The following RBFOX1 variants were observed in gnomAD, a reference collection of about 807,000 sequenced individuals.
RBFOX1 encodes RNA binding protein fox-1 homolog 1.
Under a neutral mutation model 57.7 loss-of-function variants are expected in RBFOX1, and 8 were observed. That is an observed-to-expected ratio of 0.14 (90% CI 0.08 to 0.25). RBFOX1 has a LOEUF of 0.25. RBFOX1 is among the 10% of genes least tolerant of loss of function. The pLI is 1.00. For missense variants in RBFOX1, 611 were observed against 548.5 expected, an observed-to-expected ratio of 1.11 and a Z score of -1.14; for synonymous variants, 326 against 222.4, an observed-to-expected ratio of 1.47 and a Z score of -4.15.
chr16:7,394,447 C>G (rs1303169627), intron 4 of RBFOX1, among the ~76,000 whole-genome samples: 1 of 152,110 alleles, frequency 6.6e-6, no homozygotes, highest in African/African-American at 2.4e-5. Flanking sequence ...ATATGGGGAA[C>G]AGGATTTTAT....
At chr16:7,254,374 A>G (rs1189768302) in intron 4 of RBFOX1, among the ~76,000 whole-genome samples, 1 of 152,110 alleles carries the variant, frequency 6.6e-6, no homozygotes, top group Non-Finnish European at 1.5e-5. Flanking sequence ...GGTTTATTGG[A>G]TTATCTAGCA....
In RBFOX1 at chr16:6,688,480, G is replaced by T. The variant is rs2059762251; in HGVS notation, c.-16+33830G>T. Among the ~76,000 whole-genome samples the T allele has an allele frequency of 2.6e-5, 4 of 152,184 alleles. 1 individual carries two copies. The South Asian group carries it at 8.3e-4, about 32-fold the overall frequency. On this transcript the variant is annotated intron_variant, in intron 3 of 15. Transcript: ENST00000550418. Reference sequence around the variant, plus strand: ...TAGACCCCTTGGCAACAGCAGTGGGGATTTTCATTTTCTCCATATAAGAAG... The same window carrying T: ...TAGACCCCTTGGCAACAGCAGTGGGTATTTTCATTTTCTCCATATAAGAAG...
chr16:6,094,850 A>C (rs911186921), intron 1 of RBFOX1, among the ~76,000 whole-genome samples: 2 of 152,244 alleles, frequency 1.3e-5, no homozygotes, highest in Non-Finnish European at 2.9e-5. Context: ...ACCTGAGGTC[A>C]TAAGTTTGAG....
At chr16:6,201,105 G>A (rs143959839) in intron 1 of RBFOX1, among the ~76,000 whole-genome samples, 1 of 152,136 alleles carries the variant, frequency 6.6e-6, no homozygotes, top group Admixed American at 6.6e-5. Flanking sequence ...TGTCCCTCCA[G>A]TTCCACCCAT....
chr16:6,297,385 C>T (rs902253911), intron 1 of RBFOX1, among the ~76,000 whole-genome samples: 18 of 150,358 alleles, frequency 1.2e-4, no homozygotes, highest in South Asian at 4.3e-4. Context: ...TTGGAGAGCA[C>T]GGATAGGCTC....
At chr16:6,431,176 G>T (rs74945418) in intron 2 of RBFOX1, among the ~76,000 whole-genome samples, 1,749 of 151,980 alleles carry the variant, frequency 0.012, 19 homozygotes, top group Non-Finnish European at 0.018. Context: ...CAATGGTCTA[G>T]GTGGGGAAAG....
At chr16:6,807,914 G>GTA (rs932439939) in intron 3 of RBFOX1, among the ~76,000 whole-genome samples, 16 of 132,096 alleles carry the variant, frequency 1.2e-4, no homozygotes, top group Middle Eastern at 4.3e-3. Flanking sequence ...GTGTGTGTGT[G>GTA]TATATATATA....
At chr16:6,425,497 A>T (rs1432074446) in intron 2 of RBFOX1, among the ~76,000 whole-genome samples, 3 of 152,162 alleles carry the variant, frequency 2.0e-5, no homozygotes, top group Non-Finnish European at 4.4e-5. Context: ...TGTGTTGTGT[A>T]TAAGGGTCAG....
chr16:6,342,942 A>G (rs1483255037), intron 2 of RBFOX1, among the ~76,000 whole-genome samples: 1 of 152,040 alleles, frequency 6.6e-6, no homozygotes, highest in Non-Finnish European at 1.5e-5. Context: ...TCATCTCCAA[A>G]CTTCTGTCGC....
chr16:6,738,057 C>CTT (rs906093793), intron 3 of RBFOX1, among the ~76,000 whole-genome samples: 7 of 134,436 alleles, frequency 5.2e-5, no homozygotes, highest in Non-Finnish European at 1.1e-4. Flanking sequence ...GGACTTGTCT[C>CTT]TTTTTTTTTT....
chr16:6,243,581 T>C (rs937902413), intron 1 of RBFOX1, among the ~76,000 whole-genome samples: 6 of 152,172 alleles, frequency 3.9e-5, no homozygotes, highest in Admixed American at 3.3e-4. Flanking sequence ...TGTCCTCTAA[T>C]CATGGTCCGT....
At chr16:5,712,463 C>G (rs945518098) in intron 3 of RBFOX1, among the ~76,000 whole-genome samples, 9 of 152,194 alleles carry the variant, frequency 5.9e-5, no homozygotes, top group African/African-American at 2.2e-4. Flanking sequence ...AAAGGTTTGG[C>G]TTTCACGCAT....
chr16:7,225,648 T>G (rs1001317595), intron 4 of RBFOX1, among the ~76,000 whole-genome samples: 3 of 151,274 alleles, frequency 2.0e-5, no homozygotes, highest in African/African-American at 7.3e-5. Flanking sequence ...ATGGATGATT[T>G]GTTCTCCTGA....
intron 3 of RBFOX1, among the ~76,000 whole-genome samples, chr16:7,050,984 A>C (rs757848126): frequency 3.9e-5 from 6 of 152,114 alleles, no homozygotes; most frequent in Non-Finnish European, 7.4e-5. Context: ...TTTTTAGAGA[A>C]AGTCAAAACA....
At chr16:5,891,078 A>C (rs1417142921) in intron 4 of RBFOX1, among the ~76,000 whole-genome samples, 1 of 152,202 alleles carries the variant, frequency 6.6e-6, no homozygotes, top group Non-Finnish European at 1.5e-5. Context: ...AAGACTTGAT[A>C]CTTGTCAACC....
intron 3 of RBFOX1, among the ~76,000 whole-genome samples, chr16:5,608,359 A>T (rs2047661391): frequency 6.6e-6 from 1 of 152,142 alleles, no homozygotes; most frequent in Admixed American, 6.5e-5. Context: ...TGATTCTGGG[A>T]AGCTCTGGAG....
rs892241126 is a variant in RBFOX1 at position 6,013,074 on chromosome 16, A to G, written c.351+145739A>G. Among the ~76,000 whole-genome samples, 121 of 152,124 alleles carry G rather than the reference A, an allele frequency of 8.0e-4. 1 individual carries two copies. The highest frequency in any genetic ancestry group is 2.7e-3 in the African/African-American group (113 of 41,420). On this transcript the variant is annotated intron_variant, in intron 4 of 19. Coordinates refer to the RBFOX1 transcript ENST00000641259. ...TATCATCATCATCATCATTGTTGTC[A>G]TTGTCCCCATTTTATGTACAGGGAA...
At chr16:7,567,140 C>CATATATATATCCAT (rs369922520) in intron 5 of RBFOX1, among the ~76,000 whole-genome samples, 1 of 57,644 alleles carries the variant, frequency 1.7e-5, no homozygotes, top group Non-Finnish European at 4.5e-5. Flanking sequence ...TATGTATATC[C>CATATATATATCCAT]ATATATATCC....
At chr16:6,966,440 G>C (rs965220433) in intron 3 of RBFOX1, among the ~76,000 whole-genome samples, 6 of 152,154 alleles carry the variant, frequency 3.9e-5, no homozygotes, top group African/African-American at 1.4e-4. Context: ...GTCCCTGGGC[G>C]AGGTGGAGGG....
Sources: allele counts gnomAD v4.1 joint callset (sites outside exome capture counted in the v4.1 genomes callset), GRCh38; gene constraint gnomAD v4.1.1; transcripts MANE v1.5; gene names NCBI Gene and HGNC (gene_info 2026-07-23, HGNC 2026-07-21).